The following JAM3 variants were observed in gnomAD, a reference collection of about 807,000 sequenced individuals.
The protein encoded by JAM3 is junctional adhesion molecule 3.
A neutral mutation model predicts 39.4 loss-of-function variants in JAM3; 31 were observed. The observed-to-expected ratio is 0.79, with a 90% confidence interval of 0.59 to 1.06. JAM3 has a LOEUF of 1.06. Among genes scored for constraint, JAM3 ranks in the 50% least tolerant of loss-of-function variants. The probability of loss-of-function intolerance (pLI) is 0.00; values close to 1 mark genes in which losing one functional copy is unlikely to be tolerated. For missense variants in JAM3, 455 were observed against 391.4 expected, an observed-to-expected ratio of 1.16 and a Z score of -1.37; for synonymous variants, 182 against 148.7, an observed-to-expected ratio of 1.22 and a Z score of -1.63.
At chr11:134,110,711 A>G (rs1419259124) in intron 1 of JAM3, among the ~76,000 whole-genome samples, 1 of 124,490 alleles carries the variant, frequency 8.0e-6, no homozygotes, top group Non-Finnish European at 1.6e-5. Flanking sequence ...GGTGGTGGGT[A>G]GGTCGGCTAG....
chr11:134,073,351 C>A lies in JAM3; in HGVS notation c.76+4192C>A, dbSNP rs140416001. 4.7e-3 allele frequency among the ~76,000 whole-genome samples: 721 copies of A among 152,300 alleles called. 1 individual carries two copies. Among genetic ancestry groups the A allele is most frequent in the Non-Finnish European group, 8.3e-3 (563 of 68,020 alleles). ...TTCAGTGCTGCTTGTATAAAGACAT[C>A]AAACTATTTAATAGAGTTAGGACTA... On this transcript the variant is annotated intron_variant, in intron 1 of 8. Transcript: ENST00000299106.
chr11:134,081,360 G>A (rs1941662551), intron 1 of JAM3, among the ~76,000 whole-genome samples: 2 of 152,254 alleles, frequency 1.3e-5, no homozygotes, highest in Admixed American at 6.5e-5. Context: ...TCCCATCACA[G>A]GCCTGGAGGC....
At chr11:134,105,073 T>A (rs1161337916) in intron 1 of JAM3, among the ~76,000 whole-genome samples, 3 of 152,032 alleles carry the variant, frequency 2.0e-5, no homozygotes, top group Non-Finnish European at 2.9e-5. Flanking sequence ...TAGACCAATA[T>A]CCCTGATCAA....
chr11:134,069,942 G>A (rs11223679), intron 1 of JAM3, among the ~76,000 whole-genome samples: 10,060 of 152,250 alleles, frequency 0.066, 372 homozygotes, highest in African/African-American at 0.082. Flanking sequence ...TCCGGAAATA[G>A]CATTCGGGGC....
chr11:134,137,316 C>T (rs1043672438), intron 1 of JAM3, among the ~76,000 whole-genome samples: 3 of 152,198 alleles, frequency 2.0e-5, no homozygotes, highest in Admixed American at 6.5e-5. Context: ...CCTTTTATGT[C>T]CTCTAGTTCA....
intron 1 of JAM3, among the ~76,000 whole-genome samples, chr11:134,103,311 C>G (rs961282926): frequency 4.0e-5 from 6 of 151,864 alleles, no homozygotes; most frequent in African/African-American, 1.5e-4. Context: ...CAAGCAAATG[C>G]TGAGAGATTT....
chr11:134,143,961 TGAG>T (rs572766680), intron 3 of JAM3, among the ~76,000 whole-genome samples: 133 of 152,242 alleles, frequency 8.7e-4, no homozygotes, highest in African/African-American at 1.9e-3. Flanking sequence ...TTCCTGGAAA[TGAG>T]GAGGAGGAGG....
chr11:134,146,108 T>G (rs984201852), intron 6 of JAM3, 63 bp downstream of exon 6: 1 of 1,124,722 alleles, frequency 8.9e-7, no homozygotes, highest in Non-Finnish European at 1.4e-6. Flanking sequence ...CATTTTAATT[T>G]AATATTATAC....
intron 1 of JAM3, among the ~76,000 whole-genome samples, chr11:134,073,617 C>T (rs369532146): frequency 1.8e-4 from 28 of 152,280 alleles, no homozygotes; most frequent in African/African-American, 6.5e-4. Context: ...AGGCACTGTT[C>T]TGTGTGCTAG....
intron 1 of JAM3, among the ~76,000 whole-genome samples, chr11:134,137,428 C>G (rs1942887522): frequency 6.6e-6 from 1 of 152,160 alleles, no homozygotes; most frequent in African/African-American, 2.4e-5. Context: ...CTCCCATTTT[C>G]TTATTTCTCT....
chr11:134,102,834 C>T (rs1942101592), intron 1 of JAM3, among the ~76,000 whole-genome samples: 1 of 152,100 alleles, frequency 6.6e-6, no homozygotes, highest in Admixed American at 6.5e-5. Flanking sequence ...AAGAAACAAA[C>T]ACAACCTCCA....
intron 1 of JAM3, among the ~76,000 whole-genome samples, chr11:134,096,511 T>A (rs1941987131): frequency 6.6e-6 from 1 of 152,228 alleles, no homozygotes; most frequent in African/African-American, 2.4e-5. Context: ...TATTATGTTA[T>A]GTTATTTCCT....
chr11:134,081,051 C>T (rs1941657429), intron 1 of JAM3, among the ~76,000 whole-genome samples: 2 of 152,136 alleles, frequency 1.3e-5, no homozygotes, highest in South Asian at 4.1e-4. Flanking sequence ...GAGATTTGTG[C>T]AACTTTGAAC....
At chr11:134,112,029 T>C (rs1347802770) in intron 1 of JAM3, among the ~76,000 whole-genome samples, 2 of 152,186 alleles carry the variant, frequency 1.3e-5, no homozygotes, top group African/African-American at 2.4e-5. Flanking sequence ...AAAAAAGAAA[T>C]ACCTTCTACT....
chr11:134,106,910 G>A (rs1192028962), intron 1 of JAM3, among the ~76,000 whole-genome samples: 2 of 152,152 alleles, frequency 1.3e-5, no homozygotes, highest in African/African-American at 4.8e-5. Flanking sequence ...CAACCGTTGT[G>A]GAAGACAGTG....
intron 1 of JAM3, among the ~76,000 whole-genome samples, chr11:134,097,781 C>T (rs1434049022): frequency 1.3e-5 from 2 of 151,910 alleles, no homozygotes; most frequent in Admixed American, 6.6e-5. Context: ...ATAAATTCTA[C>T]AGATCATGGA....
In JAM3 at chr11:134,097,605, G is replaced by A. The variant is rs142062390; in HGVS notation, c.76+28446G>A. 4.6e-3 allele frequency among the ~76,000 whole-genome samples: 702 copies of A among 152,208 alleles called. 6 individuals are homozygous for A. The highest frequency in any genetic ancestry group is 0.016 in the African/African-American group (670 of 41,524). ...AGCTCTCGGTTTTTTTCTACTAATGGAGAAGGGAGGCATTATAGGGAATGG... is the reference window on the plus strand; with the variant it reads ...AGCTCTCGGTTTTTTTCTACTAATGAAGAAGGGAGGCATTATAGGGAATGG... On this transcript the variant is annotated intron_variant, in intron 1 of 8. Coordinates refer to ENST00000299106, the MANE Select transcript of JAM3 (RefSeq NM_032801.5).
chr11:134,092,789 A>T, intron 1 of JAM3, among the ~76,000 whole-genome samples: 1 of 129,892 alleles, frequency 7.7e-6, no homozygotes, highest in East Asian at 2.7e-4. Context: ...CTTATTCATC[A>T]TGTTCCATCT....
At chr11:134,115,297 G>A (rs1288454767) in intron 1 of JAM3, among the ~76,000 whole-genome samples, 2 of 151,902 alleles carry the variant, frequency 1.3e-5, no homozygotes, top group Non-Finnish European at 2.9e-5. Context: ...GCTTTTTTAG[G>A]AGAAAATCTA....
Sources: gnomAD v4.1 joint callset for allele counts (sites outside exome capture counted in the v4.1 genomes callset) on GRCh38, gnomAD v4.1.1 for gene constraint, MANE v1.5 for transcripts, NCBI Gene and HGNC (gene_info 2026-07-23, HGNC 2026-07-21) for gene names.